The following CORO2B variants were observed in gnomAD, a reference collection of about 807,000 sequenced individuals.
The protein encoded by CORO2B is coronin 2B.
CORO2B carries 26 observed loss-of-function variants against 58.8 expected under a neutral mutation model. The ratio of observed to expected loss-of-function variants is 0.44; its 90% CI spans 0.32 to 0.61. The LOEUF (loss-of-function observed/expected upper bound fraction) is 0.61. CORO2B is among the 20% of genes least tolerant of loss of function. The probability of loss-of-function intolerance (pLI) is 0.04; values close to 1 mark genes in which losing one functional copy is unlikely to be tolerated. For synonymous variants in CORO2B, 242 were observed against 253.8 expected, an observed-to-expected ratio of 0.95 and a Z score of 0.44; for missense variants, 460 against 645.1, an observed-to-expected ratio of 0.71 and a Z score of 3.11.
At chr15:68,561,506 C>T in the CORO2B span, among the ~76,000 whole-genome samples, 10 of 152,262 alleles carry the variant, frequency 6.6e-5, no homozygotes, top group Non-Finnish European at 1.0e-4. Context: ...AGAGGGTCCC[C>T]GGTTGTCAAG....
chr15:68,598,533 G>A (rs1192640483), intron 1 of CORO2B, among the ~76,000 whole-genome samples: 1 of 152,072 alleles, frequency 6.6e-6, no homozygotes, highest in South Asian at 2.1e-4. Flanking sequence ...AAGCCAGAAG[G>A]AGTTCACACC....
At chr15:68,548,174 A>AATATAT in the CORO2B span, among the ~76,000 whole-genome samples, 280 of 146,358 alleles carry the variant, frequency 1.9e-3, no homozygotes, top group Middle Eastern at 0.01. Flanking sequence ...CCATCTTAAA[A>AATATAT]ATATATATAT....
chr15:68,528,584 A>C, the CORO2B span, among the ~76,000 whole-genome samples: 1 of 151,692 alleles, frequency 6.6e-6, no homozygotes, highest in South Asian at 2.1e-4. Context: ...ATTGATCTAT[A>C]GTTTTCTTCC....
chr15:68,700,708 C>G (rs949334624), intron 3 of CORO2B, among the ~76,000 whole-genome samples: 183 of 152,290 alleles, frequency 1.2e-3, no homozygotes, highest in Non-Finnish European at 1.3e-3. Context: ...TAGCTTCTGC[C>G]GCAGCTAGGG....
chr15:68,690,648 T>TTC (rs200156309), intron 2 of CORO2B, among the ~76,000 whole-genome samples: 2 of 108,796 alleles, frequency 1.8e-5, no homozygotes, highest in East Asian at 4.4e-4. Context: ...TTAGCTTTCT[T>TTC]TTTTTTTTTT....
chr15:68,587,004 A>G (rs775122583), intron 1 of CORO2B, among the ~76,000 whole-genome samples: 19 of 150,870 alleles, frequency 1.3e-4, no homozygotes, highest in Non-Finnish European at 2.2e-4. Context: ...CTTATTATCT[A>G]TATTGGGCCT....
chr15:68,634,702 A>G (rs1314858802), intron 1 of CORO2B, among the ~76,000 whole-genome samples: 1 of 152,140 alleles, frequency 6.6e-6, no homozygotes, highest in Admixed American at 6.5e-5. Context: ...GGGCCTCAGC[A>G]ATCTATGTTT....
At chr15:68,695,002 A>G (rs7359311) in intron 2 of CORO2B, 138 bp from the exon 3 acceptor site, 613,749 of 654,468 alleles carry the variant, frequency 0.94, 289,856 homozygotes, top group East Asian at 1. Context: ...AGGGCCCAAA[A>G]ACAAAAATAA....
the CORO2B span, among the ~76,000 whole-genome samples, chr15:68,550,352 G>A: frequency 6.6e-6 from 1 of 152,108 alleles, no homozygotes; most frequent in Non-Finnish European, 1.5e-5. Context: ...AGCTCACCAG[G>A]GGCCTCAGGA....
At chr15:68,555,225 T>C in the CORO2B span, among the ~76,000 whole-genome samples, 1 of 152,202 alleles carries the variant, frequency 6.6e-6, no homozygotes, top group African/African-American at 2.4e-5. Context: ...TGAGTCCTGA[T>C]GGAGGCATGG....
intron 2 of CORO2B, among the ~76,000 whole-genome samples, chr15:68,674,260 A>G (rs922735343): frequency 5.3e-5 from 8 of 152,214 alleles, no homozygotes; most frequent in African/African-American, 1.9e-4. Flanking sequence ...CTTTCCAGAG[A>G]AGAAGCAACC....
chr15:68,563,305 T>C, the CORO2B span, among the ~76,000 whole-genome samples: 3 of 151,726 alleles, frequency 2.0e-5, no homozygotes, highest in Admixed American at 1.3e-4. Flanking sequence ...TTGGGTAATA[T>C]AGTGAGACTA....
chr15:68,522,328 T>C, the CORO2B span, among the ~76,000 whole-genome samples: 4 of 152,330 alleles, frequency 2.6e-5, no homozygotes, highest in African/African-American at 7.2e-5. Flanking sequence ...GAGACTCCAA[T>C]TGTGTTAATA....
chr15:68,651,320 AG>A (rs1566996273), intron 2 of CORO2B, among the ~76,000 whole-genome samples: 1 of 152,194 alleles, frequency 6.6e-6, no homozygotes, highest in Non-Finnish European at 1.5e-5. Flanking sequence ...AGGTTGGTGC[AG>A]GGGGTGCGGG....
chr15:68,594,367 G>A (rs1029893711), intron 1 of CORO2B, among the ~76,000 whole-genome samples: 2 of 152,192 alleles, frequency 1.3e-5, no homozygotes, highest in African/African-American at 4.8e-5. Flanking sequence ...AGCTGTGGGT[G>A]GATGGGTAGG....
At chr15:68,572,332 G>A in the CORO2B span, among the ~76,000 whole-genome samples, 2 of 152,134 alleles carry the variant, frequency 1.3e-5, no homozygotes, top group African/African-American at 2.4e-5. Context: ...TGCTGGAGCT[G>A]TTTCACGTTA....
intron 2 of CORO2B, among the ~76,000 whole-genome samples, chr15:68,669,327 G>T (rs1264834692): frequency 6.6e-6 from 1 of 152,102 alleles, no homozygotes; most frequent in African/African-American, 2.4e-5. Context: ...GACACAACTG[G>T]GTGTGTGAAA....
At chr15:68,665,733 A>T (rs1902171732) in intron 2 of CORO2B, among the ~76,000 whole-genome samples, 1 of 152,042 alleles carries the variant, frequency 6.6e-6, no homozygotes, top group African/African-American at 2.4e-5. Flanking sequence ...TATATTTGCT[A>T]ATTGATGATT....
intron 2 of CORO2B, among the ~76,000 whole-genome samples, chr15:68,686,099 G>A (rs8039932): frequency 0.032 from 4,493 of 141,222 alleles, 225 homozygotes; most frequent in African/African-American, 0.1. Context: ...GTGCAATGGC[G>A]CAACCTTGGC....
Sources: allele counts gnomAD v4.1 joint callset (sites outside exome capture counted in the v4.1 genomes callset), GRCh38; gene constraint gnomAD v4.1.1; transcripts MANE v1.5; gene names NCBI Gene and HGNC (gene_info 2026-07-23, HGNC 2026-07-21).